Variants in ATP13A3 observed in about 807,000 individuals in gnomAD.
ATP13A3 encodes the protein polyamine-transporting ATPase 13A3.
ATP13A3 carries 59 observed loss-of-function variants against 158.1 expected under a neutral mutation model. The observed-to-expected ratio is 0.37, with a 90% CI of 0.30 to 0.46. The LOEUF (loss-of-function observed/expected upper bound fraction) is 0.46, where lower values mean the gene tolerates loss of function less well. ATP13A3 is among the 20% of genes least tolerant of loss of function. The pLI is 1.00. For missense variants in ATP13A3, 1,166 were observed against 1,525.2 expected, an observed-to-expected ratio of 0.76 and a Z score of 3.92; for synonymous variants, 491 against 504.3, an observed-to-expected ratio of 0.97 and a Z score of 0.35.
chr3:194,484,162 CTG>C (rs1720872576), intron 2 of ATP13A3, among the ~76,000 whole-genome samples: 1 of 152,180 alleles, frequency 6.6e-6, no homozygotes, highest in African/African-American at 2.4e-5. Context: ...ACAGAAACCT[CTG>C]TGTTAAGCAC....
intron 2 of ATP13A3, among the ~76,000 whole-genome samples, chr3:194,483,132 A>G (rs1056080946): frequency 6.7e-6 from 1 of 150,028 alleles, no homozygotes; most frequent in African/African-American, 2.5e-5. Context: ...ATTTTTTTTT[A>G]AATTAGCCAG....
In ATP13A3 at chr3:194,438,941, G is replaced by A. The variant is rs201810402; in HGVS notation, c.1742C>T (p.Ala581Val). ...TGTGGGCATAATTCGATTATGAAGT[G>A]CTGTTTCTTCTTCAGTTGCTTCTTC... ...ILEEATEEETALHNRIMPTVV... is the reference protein window; with the variant it reads ...ILEEATEEETVLHNRIMPTVV... The change falls in exon 17 of 34, where the codon GCA becomes GTA. Residue 581 changes from alanine to valine, a missense_variant. By Grantham distance (64) the Ala-to-Val change is moderately conservative (BLOSUM62 0). Transcript: ENST00000645319. 218 of 1,601,948 alleles carry A rather than the reference G, an allele frequency of 1.4e-4. No homozygotes were observed. The highest frequency in any genetic ancestry group is 1.6e-4 in the Non-Finnish European group (189 of 1,175,290).
chr3:194,478,226 T>A (rs1380368006), intron 2 of ATP13A3, among the ~76,000 whole-genome samples: 5 of 151,978 alleles, frequency 3.3e-5, no homozygotes, highest in Non-Finnish European at 5.9e-5. Flanking sequence ...TGCCAACTAG[T>A]GGTCTAAATG....
intron 16 of ATP13A3, among the ~76,000 whole-genome samples, chr3:194,439,416 G>C (rs1005944649): frequency 2.6e-5 from 4 of 152,220 alleles, no homozygotes; most frequent in African/African-American, 9.6e-5. Flanking sequence ...GCTGGGTCAA[G>C]AACAGGCTAA....
chr3:194,429,427 C>T (rs1313588598), intron 27 of ATP13A3, among the ~76,000 whole-genome samples: 3 of 152,146 alleles, frequency 2.0e-5, no homozygotes, highest in Non-Finnish European at 4.4e-5. Flanking sequence ...GTACCTGTGG[C>T]CATCGCTGTT....
At chr3:194,413,502 T>G (rs1715588366) in intron 32 of ATP13A3, among the ~76,000 whole-genome samples, 1 of 152,338 alleles carries the variant, frequency 6.6e-6, no homozygotes, top group South Asian at 2.1e-4. Flanking sequence ...TTCTCTCCTT[T>G]CTACTCGTCA....
intron 2 of ATP13A3, among the ~76,000 whole-genome samples, chr3:194,471,510 C>T (rs572463937): frequency 5.3e-5 from 8 of 152,140 alleles, no homozygotes; most frequent in South Asian, 2.1e-4. Context: ...TGTACCATCA[C>T]GCCCAGCAAA....
intron 7 of ATP13A3, 101 bp downstream of exon 7, chr3:194,456,993 G>A: frequency 2.9e-6 from 2 of 686,376 alleles, no homozygotes; most frequent in South Asian, 2.4e-5. Context: ...TAATATTTAA[G>A]TATCTGTTAA....
intron 1 of ATP13A3, among the ~76,000 whole-genome samples, chr3:194,486,362 C>T (rs1720972404): frequency 6.6e-6 from 1 of 151,634 alleles, no homozygotes; most frequent in East Asian, 2.0e-4. Context: ...CGGCAGGCGG[C>T]GCGTCCCCCC....
chr3:194,412,357 T>TA (rs1393621990), intron 32 of ATP13A3, 69 bp from the exon 33 acceptor site: 59 of 1,225,690 alleles, frequency 4.8e-5, no homozygotes, highest in Non-Finnish European at 6.4e-5. Flanking sequence ...TGCACCTTTT[T>TA]AAAAAATCAC....
chr3:194,469,121 A>G (rs575256781), intron 2 of ATP13A3, among the ~76,000 whole-genome samples: 2 of 150,686 alleles, frequency 1.3e-5, no homozygotes, highest in South Asian at 4.3e-4. Flanking sequence ...TGACAGAGCA[A>G]GACTCCATCA....
At chr3:194,487,114 G>A (rs1443150639), upstream of ATP13A3, 1 of 152,050 alleles carries the variant, frequency 6.6e-6, no homozygotes, top group Non-Finnish European at 1.5e-5. Flanking sequence ...GCGATTTATA[G>A]GCCCCGCCCA....
intron 28 of ATP13A3, 103 bp downstream of exon 28, chr3:194,428,742 G>T: frequency 1.4e-6 from 1 of 735,742 alleles, no homozygotes; most frequent in Non-Finnish European, 2.3e-6. Flanking sequence ...ATCTGGAGAG[G>T]TGTGAGCTAT....
At chr3:194,490,360 C>T (rs922221082), upstream of ATP13A3, among the ~76,000 whole-genome samples, 5 of 152,202 alleles carry the variant, frequency 3.3e-5, no homozygotes, top group African/African-American at 1.2e-4. This position sits in a 1 kb window ranked among gnomAD's most constrained non-coding sequence, Gnocchi z 4.4. Flanking sequence ...TTACTGTTGC[C>T]AAATCCGGAG....
chr3:194,431,639 A>G (rs1717227320), intron 22 of ATP13A3, 78 bp downstream of exon 22: 2 of 1,362,394 alleles, frequency 1.5e-6, no homozygotes, highest in East Asian at 2.6e-5. Flanking sequence ...ACTGTGTTTT[A>G]ATGCACCACT....
At chr3:194,465,596 A>G (rs1364936760) in intron 2 of ATP13A3, among the ~76,000 whole-genome samples, 2 of 152,182 alleles carry the variant, frequency 1.3e-5, no homozygotes, top group Non-Finnish European at 2.9e-5. Context: ...GCGGGATAAA[A>G]TTTGCCTCAA....
chr3:194,460,598 T>C lies in ATP13A3; in HGVS notation c.225+60A>G. The C allele has an allele frequency of 2.6e-6, 4 of 1,526,818 alleles. No homozygotes were observed. The South Asian group carries it at 3.6e-5, about 14-fold the overall frequency. The allele number at this position is 1,526,818 out of a possible 1,614,324, so 94.6% of individuals were successfully genotyped here. On this transcript the variant is annotated intron_variant, in intron 4 of 33. Transcript: ENST00000645319. ...TTCATCTATTATTTCGAATAAAGTATACACAAAGACATTGTTTTACTCCTT... is the reference window on the plus strand; with the variant it reads ...TTCATCTATTATTTCGAATAAAGTACACACAAAGACATTGTTTTACTCCTT...
chr3:194,436,853 G>A (rs139616007), intron 20 of ATP13A3, among the ~76,000 whole-genome samples: 86 of 152,244 alleles, frequency 5.6e-4, no homozygotes, highest in Non-Finnish European at 1.1e-3. Flanking sequence ...GACCCGAGAC[G>A]GCAGTGCCAC....
chr3:194,432,599 G>C (rs1717306791), intron 21 of ATP13A3, among the ~76,000 whole-genome samples: 1 of 152,124 alleles, frequency 6.6e-6, no homozygotes, highest in African/African-American at 2.4e-5. Context: ...TAAAAGAGGA[G>C]GACGAGGAAC....
Sources: gnomAD v4.1 joint callset for allele counts (sites outside exome capture counted in the v4.1 genomes callset) on GRCh38, gnomAD v4.1.1 for gene constraint, Gnocchi (gnomAD v3.1) non-coding constraint, MANE v1.5 for transcripts, NCBI Gene and HGNC (gene_info 2026-07-23, HGNC 2026-07-21) for gene names.